Variants in GSG1L observed in about 807,000 individuals in gnomAD.
GSG1L encodes germ cell-specific gene 1-like protein.
GSG1L carries 24 observed loss-of-function variants against 42.1 expected under a neutral mutation model. The observed-to-expected ratio is 0.57, with a 90% CI of 0.41 to 0.80. The LOEUF is 0.80. GSG1L is among the 30% of genes least tolerant of loss of function. GSG1L has a pLI of 0.00. For synonymous variants in GSG1L, 215 were observed against 203.5 expected, an observed-to-expected ratio of 1.06 and a Z score of -0.48; for missense variants, 445 against 472.2, an observed-to-expected ratio of 0.94 and a Z score of 0.53.
At chr16:27,826,171 C>A (rs146088367) in intron 5 of GSG1L, among the ~76,000 whole-genome samples, 1 of 152,092 alleles carries the variant, frequency 6.6e-6, no homozygotes, top group African/African-American at 2.4e-5. Flanking sequence ...AAGGTGGGGA[C>A]GCACTTGGAG....
chr16:27,921,936 A>C (rs370628083), intron 2 of GSG1L, among the ~76,000 whole-genome samples: 1 of 151,518 alleles, frequency 6.6e-6, no homozygotes, highest in Non-Finnish European at 1.5e-5. Context: ...CCATCAAGTA[A>C]GGGTTGCTTT....
intron 2 of GSG1L, among the ~76,000 whole-genome samples, chr16:27,909,106 A>T (rs1382959792): frequency 6.6e-6 from 1 of 152,104 alleles, no homozygotes; most frequent in African/African-American, 2.4e-5. Context: ...AACATCACCC[A>T]TCTAGTAGAT....
rs1252738093 is a variant in GSG1L, at chr16:27,833,844, A to T, written c.663-4888T>A. On this transcript the variant is annotated intron_variant, in intron 4 of 6. Transcript: ENST00000447459. Reference sequence around the variant, plus strand: ...TAGGTCTAGGCAATTTTTTTGGTAGATTCCTTGAATTTGTCTACACAGATA... The same window carrying T: ...TAGGTCTAGGCAATTTTTTTGGTAGTTTCCTTGAATTTGTCTACACAGATA... 3.3e-5 allele frequency among the ~76,000 whole-genome samples: 5 copies of T among 152,150 alleles called. No homozygotes were observed. The South Asian group carries it at 1.0e-3, about 31-fold the overall frequency.
At chr16:28,008,332 G>A (rs374936927) in intron 1 of GSG1L, among the ~76,000 whole-genome samples, 6 of 152,016 alleles carry the variant, frequency 3.9e-5, no homozygotes, top group African/African-American at 7.2e-5. Flanking sequence ...CACCCGCCTC[G>A]GCCTCCCAAA....
At chr16:27,842,073 G>A (rs890052449) in intron 4 of GSG1L, among the ~76,000 whole-genome samples, 6 of 150,620 alleles carry the variant, frequency 4.0e-5, no homozygotes, top group South Asian at 2.1e-4. Context: ...ACGATGTCGC[G>A]CGTGCCGAAT....
rs139229631 is a variant in GSG1L at position 28,018,642 on chromosome 16, G to A, written c.349+44434C>T. Among the ~76,000 whole-genome samples the A allele has an allele frequency of 4.0e-3, 609 of 152,188 alleles. 3 individuals carry two copies. The highest frequency in any genetic ancestry group is 0.012 in the African/African-American group (491 of 41,534). Reference sequence around the variant, plus strand: ...GTAGACAAGGAAGAATAACAAGAAAGAAGAGGGAACGGCCATTGTGCAGGA... The same window carrying A: ...GTAGACAAGGAAGAATAACAAGAAAAAAGAGGGAACGGCCATTGTGCAGGA... On this transcript the variant is annotated intron_variant, in intron 1 of 6. Transcript: ENST00000447459.
At chr16:27,947,487 AAGAAAGAAAG>A (rs996823675) in intron 2 of GSG1L, among the ~76,000 whole-genome samples, 9 of 151,548 alleles carry the variant, frequency 5.9e-5, no homozygotes, top group South Asian at 2.1e-4. Context: ...GAAAGGAAGA[AAGAAAGAAAG>A]AGAAAGAAAG....
At chr16:27,839,855 C>A (rs1321275875) in intron 4 of GSG1L, among the ~76,000 whole-genome samples, 7 of 152,170 alleles carry the variant, frequency 4.6e-5, no homozygotes. Flanking sequence ...GGGTTCAGCC[C>A]CGGCTGCATG....
chr16:28,051,020 T>C (rs994123417), intron 1 of GSG1L, among the ~76,000 whole-genome samples: 2 of 152,192 alleles, frequency 1.3e-5, no homozygotes, highest in Admixed American at 1.3e-4. Context: ...ACTAAAACCC[T>C]CATTCGTCTT....
chr16:27,927,427 C>T (rs1351196851), intron 2 of GSG1L, among the ~76,000 whole-genome samples: 1 of 152,110 alleles, frequency 6.6e-6, no homozygotes, highest in Admixed American at 6.5e-5. Flanking sequence ...CAGTGACTCC[C>T]GTTGTTGTTC....
At chr16:27,906,742 TTTAA>T (rs879624114) in intron 2 of GSG1L, among the ~76,000 whole-genome samples, 153 of 152,268 alleles carry the variant, frequency 1.0e-3, no homozygotes, top group South Asian at 8.3e-4. Context: ...TGACATCTTG[TTTAA>T]TTGTCTCCCT....
chr16:27,893,275 G>A (rs934933219), intron 2 of GSG1L, among the ~76,000 whole-genome samples: 1 of 152,162 alleles, frequency 6.6e-6, no homozygotes, highest in African/African-American at 2.4e-5. Flanking sequence ...TGGGATTGAT[G>A]GGTTTGCAGA....
intron 2 of GSG1L, among the ~76,000 whole-genome samples, chr16:27,923,829 C>T (rs145698738): frequency 6.6e-6 from 1 of 151,286 alleles, no homozygotes; most frequent in East Asian, 1.9e-4. Context: ...AAACCAATTA[C>T]AAATAGTGTT....
At chr16:27,834,825 A>G (rs1269399297) in intron 4 of GSG1L, among the ~76,000 whole-genome samples, 1 of 151,826 alleles carries the variant, frequency 6.6e-6, no homozygotes, top group African/African-American at 2.4e-5. Flanking sequence ...TCTCTCTGTC[A>G]CTCTTGCAAG....
At chr16:27,880,313 A>C (rs554837189) in intron 3 of GSG1L, among the ~76,000 whole-genome samples, 5 of 152,302 alleles carry the variant, frequency 3.3e-5, no homozygotes, top group African/African-American at 1.2e-4. Context: ...GCATGAATAC[A>C]AAATCCTTTC....
At chr16:27,978,690 CA>C (rs11409403) in intron 1 of GSG1L, among the ~76,000 whole-genome samples, 373 of 90,062 alleles carry the variant, frequency 4.1e-3, no homozygotes, top group Middle Eastern at 7.7e-3. Context: ...GACTCCATCT[CA>C]AAAAAAAAAA....
chr16:27,976,001 G>A lies in GSG1L; in HGVS notation c.350-12798C>T, dbSNP rs578059971. 3.9e-4 allele frequency among the ~76,000 whole-genome samples: 59 copies of A among 152,332 alleles called. 1 individual carries two copies. The highest frequency in any genetic ancestry group is 3.7e-3 in the South Asian group (18 of 4,826). On this transcript the variant is annotated intron_variant, in intron 1 of 6. Coordinates refer to ENST00000447459, the MANE Select transcript of GSG1L (RefSeq NM_001109763.2). ...TAAATAACACCCAGACAGGCCAGGCGTGGTGGCTCACGCCTGTAATCTCAG... is the reference window on the plus strand; with the variant it reads ...TAAATAACACCCAGACAGGCCAGGCATGGTGGCTCACGCCTGTAATCTCAG...
chr16:27,931,345 G>T lies in GSG1L; in HGVS notation c.397+31811C>A, dbSNP rs549912838. Among the ~76,000 whole-genome samples, 305 of 152,270 alleles carry T rather than the reference G, an allele frequency of 2.0e-3. 2 individuals carry two copies. Among genetic ancestry groups the T allele is most frequent in the African/African-American group, 7.1e-3 (293 of 41,550 alleles). On this transcript the variant is annotated intron_variant, in intron 2 of 6. Coordinates refer to ENST00000447459, the MANE Select transcript of GSG1L (RefSeq NM_001109763.2). ...ATCTCAAGCCCACCGTGCTCAAACG[G>T]CTGGCTTCATGCCGCTGCCTCCATC...
intron 2 of GSG1L, among the ~76,000 whole-genome samples, chr16:27,959,303 C>CAA (rs3033628): frequency 0.19 from 25,033 of 130,704 alleles, 2,687 homozygotes; most frequent in East Asian, 0.46. Context: ...ACTAATAATA[C>CAA]AAAAAAAAAA....
Sources: gnomAD v4.1 joint callset for allele counts (sites outside exome capture counted in the v4.1 genomes callset) on GRCh38, gnomAD v4.1.1 for gene constraint, MANE v1.5 for transcripts, NCBI Gene and HGNC (gene_info 2026-07-23, HGNC 2026-07-21) for gene names.